Variants in BCAS3 observed in about 807,000 individuals in gnomAD.
BCAS3 encodes BCAS4/BCAS3 fusion.
BCAS3 carries 53 observed loss-of-function variants against 116.1 expected under a neutral mutation model. The observed-to-expected ratio is 0.46, with a 90% confidence interval of 0.37 to 0.57. The LOEUF (loss-of-function observed/expected upper bound fraction) is 0.57. Among genes scored for constraint, BCAS3 ranks in the 20% least tolerant of loss-of-function variants. The pLI is 0.00. For synonymous variants in BCAS3, 391 were observed against 408.2 expected, an observed-to-expected ratio of 0.96 and a Z score of 0.51; for missense variants, 917 against 1,165.4, an observed-to-expected ratio of 0.79 and a Z score of 3.10.
chr17:61,046,172 C>G (rs1191042659), intron 19 of BCAS3, among the ~76,000 whole-genome samples: 1 of 116,980 alleles, frequency 8.5e-6, no homozygotes, highest in Non-Finnish European at 1.7e-5. Context: ...TCTGTTGCAC[C>G]CTTTCTGCAA....
intron 22 of BCAS3, among the ~76,000 whole-genome samples, chr17:61,146,685 T>C (rs1191398679): frequency 1.3e-5 from 2 of 152,304 alleles, no homozygotes; most frequent in Middle Eastern, 6.8e-3. Context: ...TCATTTTCTT[T>C]CCTTGTGACT....
intron 18 of BCAS3, among the ~76,000 whole-genome samples, chr17:61,038,853 G>T (rs1215099730): frequency 1.3e-5 from 2 of 151,616 alleles, no homozygotes; most frequent in African/African-American, 2.4e-5. Context: ...TAGAGATAGG[G>T]TTTCACCATG....
rs572212620 is a variant in BCAS3, at chr17:60,924,247, A to G, written c.994-160A>G. Among the ~76,000 whole-genome samples the G allele has an allele frequency of 3.3e-5, 5 of 152,306 alleles. No homozygotes were observed. In the East Asian group the frequency reaches 5.8e-4, roughly 18 times the overall value. On this transcript the variant is annotated intron_variant, in intron 12 of 23. Coordinates refer to ENST00000407086, the MANE Select transcript of BCAS3 (RefSeq NM_017679.5). ...GGGGGCATGTTATATCTCTTCCTCA[A>G]TTCTAAAGTGGAATTCTCTCCTTAT...
chr17:61,391,596 C>G lies in BCAS3; in HGVS notation c.2594-381C>G. ...CTCCCCGCCTGCCTCCCCTGTAGAG[C>G]CGGGACAGAAGGCACTGTGGAGTTG... is the stretch of plus-strand genomic sequence containing the variant. On this transcript the variant is annotated intron_variant, in intron 23 of 23. Coordinates refer to ENST00000407086, the MANE Select transcript of BCAS3 (RefSeq NM_017679.5). This position sits in a 1 kb window ranked among gnomAD's most constrained non-coding sequence, Gnocchi z 7.7. 5.5e-6 allele frequency: 1 copy of G among 181,098 alleles called. No individual in the cohort carries two copies. Among genetic ancestry groups the G allele is most frequent in the Non-Finnish European group, 1.1e-5 (1 of 87,772 alleles). 11.2% of individuals were successfully genotyped at this position (181,098 alleles called of 1,614,324 possible).
chr17:60,743,799 G>A (rs910731017), intron 5 of BCAS3, among the ~76,000 whole-genome samples: 3 of 152,186 alleles, frequency 2.0e-5, no homozygotes, highest in Non-Finnish European at 2.9e-5. Flanking sequence ...TTTTCTGTGT[G>A]TATATTATTG....
intron 14 of BCAS3, among the ~76,000 whole-genome samples, chr17:60,954,453 A>C (rs899530008): frequency 6.6e-6 from 1 of 152,218 alleles, no homozygotes; most frequent in African/African-American, 2.4e-5. Flanking sequence ...ATTTTAAAGC[A>C]TACAGTTCAA....
In BCAS3 at chr17:61,098,586, GCTTTTC is replaced by G. The variant is rs1238284865; in HGVS notation, c.2425+14025_2425+14030del. On this transcript the variant is annotated intron_variant, in intron 22 of 23. Coordinates refer to ENST00000407086, the MANE Select transcript of BCAS3 (RefSeq NM_017679.5). This position sits in a 1 kb window ranked among gnomAD's most constrained non-coding sequence, Gnocchi z 4.2. Reference sequence around the variant, plus strand: ...TAAATAATAACACATTTGAGTTTGAGCTTTTCCTGCAATTAAGTGGTATGCTGCAAA... The same window carrying G: ...TAAATAATAACACATTTGAGTTTGAGCTGCAATTAAGTGGTATGCTGCAAA... 6.6e-6 allele frequency among the ~76,000 whole-genome samples: 1 copy of G among 152,158 alleles called. No homozygotes were observed. The highest frequency in any genetic ancestry group is 1.5e-5 in the Non-Finnish European group (1 of 68,038).
intron 16 of BCAS3, among the ~76,000 whole-genome samples, chr17:61,030,222 T>C (rs1285563481): frequency 4.6e-5 from 7 of 152,136 alleles, no homozygotes; most frequent in Admixed American, 4.6e-4. Flanking sequence ...ACGGTGCTTC[T>C]GTCTCATGTT....
intron 6 of BCAS3, among the ~76,000 whole-genome samples, chr17:60,784,978 TC>T (rs918030298): frequency 6.6e-6 from 1 of 151,762 alleles, no homozygotes; most frequent in African/African-American, 2.4e-5. Context: ...GCGCCTGTAA[TC>T]CCAGCTGCTT....
chr17:60,907,375 G>A (rs1332368267), intron 11 of BCAS3, among the ~76,000 whole-genome samples: 1 of 152,042 alleles, frequency 6.6e-6, no homozygotes, highest in Non-Finnish European at 1.5e-5. Context: ...TAATAAAAAT[G>A]CCCCTGTTTT....
At chr17:60,895,127 C>A (rs2057424694) in intron 10 of BCAS3, among the ~76,000 whole-genome samples, 1 of 151,992 alleles carries the variant, frequency 6.6e-6, no homozygotes, top group Non-Finnish European at 1.5e-5. Flanking sequence ...GGAATAGTTT[C>A]AGGAAAATTG....
At position 60,973,586 on chromosome 17, in the gene BCAS3, A is replaced by AATAT. The variant is rs34671111; in HGVS notation, c.1222-16366_1222-16363dup. Among the ~76,000 whole-genome samples the AATAT allele has an allele frequency of 4.9e-3, 682 of 137,950 alleles. 12 individuals carry two copies. Among genetic ancestry groups the AATAT allele is most frequent in the South Asian group, 0.013 (58 of 4,462 alleles). The allele number at this position is 137,950 out of a possible 152,430, so 90.5% of individuals were successfully genotyped here. ...TAGACATTGCTATTACCTTATTATT[A>AATAT]ATATATATATATATATATATATGTA... On this transcript the variant is annotated intron_variant, in intron 14 of 23. Coordinates refer to ENST00000407086, the MANE Select transcript of BCAS3 (RefSeq NM_017679.5).
intron 22 of BCAS3, among the ~76,000 whole-genome samples, chr17:61,310,672 A>G (rs926302415): frequency 6.6e-6 from 1 of 152,202 alleles, no homozygotes; most frequent in Non-Finnish European, 1.5e-5. Flanking sequence ...AAGCCGAGCT[A>G]TGAACCAAAA....
At chr17:61,374,364 T>G (rs996982717) in intron 23 of BCAS3, among the ~76,000 whole-genome samples, 3 of 151,710 alleles carry the variant, frequency 2.0e-5, no homozygotes, top group Non-Finnish European at 4.4e-5. Context: ...AGAGACAGGG[T>G]TTCACCATGT....
rs543372469 is a variant in BCAS3 at position 60,723,384 on chromosome 17, C to T, written c.321+14059C>T. ...GGACTACAGGCATGCACCACCATGC[C>T]AAGGTAATTTTTTGTATTTTTAGTA... On this transcript the variant is annotated intron_variant, in intron 5 of 23. Coordinates refer to ENST00000407086, the MANE Select transcript of BCAS3 (RefSeq NM_017679.5). Among the ~76,000 whole-genome samples the T allele has an allele frequency of 4.6e-5, 7 of 152,144 alleles. No homozygotes were observed. In the East Asian group the frequency reaches 1.4e-3, roughly 30 times the overall value.
Position 61,188,246 on chromosome 17 carries a change from A to T in BCAS3, c.2425+103682A>T, listed in dbSNP as rs1171069570. ...GTTTTGTTGTTGTTTAACTTTAAGG[A>T]TCTATTGAGTTGGTACCCTGATACC... is the stretch of plus-strand genomic sequence containing the variant. On this transcript the variant is annotated intron_variant, in intron 22 of 23. Transcript: ENST00000407086. This position sits in a 1 kb window ranked among gnomAD's most constrained non-coding sequence, Gnocchi z 4.0. Among the ~76,000 whole-genome samples the T allele has an allele frequency of 6.6e-6, 1 of 152,128 alleles. No individual in the cohort carries two copies. Among genetic ancestry groups the T allele is most frequent in the Non-Finnish European group, 1.5e-5 (1 of 68,030 alleles).
Position 61,008,368 on chromosome 17 carries a change from A to C in BCAS3, c.1487-7383A>C, listed in dbSNP as rs2064866959. 6.6e-6 allele frequency among the ~76,000 whole-genome samples: 1 copy of C among 152,070 alleles called. No homozygotes were observed. Among genetic ancestry groups the C allele is most frequent in the African/African-American group, 2.4e-5 (1 of 41,422 alleles). ...TCCCAACCAAAAATAACCCACCTGC[A>C]GGAAATTCCCTTCTACACAGGGTAT... On this transcript the variant is annotated intron_variant, in intron 15 of 23. Coordinates refer to ENST00000407086, the MANE Select transcript of BCAS3 (RefSeq NM_017679.5). This position sits in a 1 kb window ranked among gnomAD's most constrained non-coding sequence, Gnocchi z 4.6.
intron 22 of BCAS3, among the ~76,000 whole-genome samples, chr17:61,317,259 A>C (rs1039472469): frequency 2.6e-5 from 4 of 152,224 alleles, no homozygotes; most frequent in African/African-American, 9.6e-5. Context: ...CTTGAGACAA[A>C]GTAGAAAGGC....
chr17:61,106,087 C>T lies in BCAS3; in HGVS notation c.2425+21523C>T, dbSNP rs2074629617. Among the ~76,000 whole-genome samples the T allele has an allele frequency of 6.6e-6, 1 of 152,120 alleles. No individual in the cohort carries two copies. The highest frequency in any genetic ancestry group is 2.4e-5 in the African/African-American group (1 of 41,426). Reference sequence around the variant, plus strand: ...TTGTATTCAGGTAACCTTTATTTTACTTAATGGCCCCAAAGCACAAGGGTT... The same window carrying T: ...TTGTATTCAGGTAACCTTTATTTTATTTAATGGCCCCAAAGCACAAGGGTT... On this transcript the variant is annotated intron_variant, in intron 22 of 23. Transcript: ENST00000407086. The surrounding 1 kb of genome is among the most constrained non-coding windows in gnomAD (Gnocchi z 4.2).
Sources: gnomAD v4.1 joint callset for allele counts (sites outside exome capture counted in the v4.1 genomes callset) on GRCh38, gnomAD v4.1.1 for gene constraint, Gnocchi (gnomAD v3.1) non-coding constraint, MANE v1.5 for transcripts, NCBI Gene and HGNC (gene_info 2026-07-23, HGNC 2026-07-21) for gene names.